Variants in SLC36A1 observed in about 807,000 individuals in gnomAD.
The protein encoded by SLC36A1 is solute carrier family 36 member 1, also known as proton-coupled amino acid transporter 1.
A neutral mutation model predicts 47.5 loss-of-function variants in SLC36A1; 30 were observed. That is an observed-to-expected ratio of 0.63 (90% CI 0.47 to 0.86). The LOEUF (loss-of-function observed/expected upper bound fraction) is 0.86, where lower values mean the gene tolerates loss of function less well. SLC36A1 is among the 40% of genes least tolerant of loss of function. SLC36A1 has a pLI of 0.00. For synonymous variants in SLC36A1, 255 were observed against 249.7 expected (o/e 1.02, Z -0.20); for missense variants, 517 against 606.0 (o/e 0.85, Z 1.54).
the SLC36A1 span, among the ~76,000 whole-genome samples, chr5:151,408,538 A>G: frequency 1.3e-5 from 2 of 152,220 alleles, no homozygotes; most frequent in African/African-American, 2.4e-5. Flanking sequence ...TTATGATGCA[A>G]TTCTCTCATT....
At chr5:151,484,856 A>G (rs1248358616) in intron 10 of SLC36A1, among the ~76,000 whole-genome samples, 1 of 152,030 alleles carries the variant, frequency 6.6e-6, no homozygotes, top group Admixed American at 6.6e-5. Flanking sequence ...CAGAGCCTAC[A>G]CCCATTCCTA....
chr5:151,466,562 A>G (rs1286200411), intron 5 of SLC36A1, among the ~76,000 whole-genome samples: 1 of 152,238 alleles, frequency 6.6e-6, no homozygotes, highest in Non-Finnish European at 1.5e-5. Context: ...GGTTGTTACC[A>G]GCTGCTATTG....
At chr5:151,350,424 A>T in the SLC36A1 span, among the ~76,000 whole-genome samples, 1 of 152,226 alleles carries the variant, frequency 6.6e-6, no homozygotes, top group Non-Finnish European at 1.5e-5. Context: ...GTGCCTCTGA[A>T]GCTGCAGTTG....
chr5:151,464,482 C>G (rs762215607), intron 3 of SLC36A1, 32 bp from the exon 4 acceptor site: 3 of 1,583,290 alleles, frequency 1.9e-6, no homozygotes, highest in Admixed American at 1.7e-5. Context: ...CTACTTTTCT[C>G]TCTCTCTTTT....
At chr5:151,545,899 A>G in the SLC36A1 span, 3 of 1,614,216 alleles carry the variant, frequency 1.9e-6, no homozygotes, top group African/African-American at 2.7e-5. Flanking sequence ...AACCACCACC[A>G]TGACATCAGT....
At chr5:151,541,096 G>A in the SLC36A1 span, among the ~76,000 whole-genome samples, 1 of 152,220 alleles carries the variant, frequency 6.6e-6, no homozygotes, top group Non-Finnish European at 1.5e-5. Context: ...AAATGTCTAA[G>A]ATGCATAGCT....
chr5:151,534,090 A>C, the SLC36A1 span, among the ~76,000 whole-genome samples: 1 of 152,154 alleles, frequency 6.6e-6, no homozygotes, highest in Non-Finnish European at 1.5e-5. Flanking sequence ...TGATTGGTAT[A>C]TTTCTGATTA....
rs1760092956 is a variant in SLC36A1, at chr5:151,491,286, C to T, written c.*3032C>T. On this transcript the variant is annotated 3_prime_UTR_variant, in exon 11 of 11. Coordinates refer to ENST00000243389, the MANE Select transcript of SLC36A1 (RefSeq NM_078483.4). ...GGCATTATTTATGTTGTGCTGCTGT[C>T]CAGCTGCTAAGATCCCTTCATCTGC... 1 of 152,626 alleles carries T rather than the reference C, an allele frequency of 6.6e-6. No individual in the cohort carries two copies. Among genetic ancestry groups the T allele is most frequent in the Non-Finnish European group, 1.5e-5 (1 of 68,072 alleles). The allele number at this position is 152,626 out of a possible 1,614,324, so 9.5% of individuals were successfully genotyped here.
the SLC36A1 span, among the ~76,000 whole-genome samples, chr5:151,541,088 A>G: frequency 9.4e-4 from 143 of 152,372 alleles, no homozygotes; most frequent in African/African-American, 3.3e-3. Flanking sequence ...TTCTATATAA[A>G]TGTCTAAGAT....
the SLC36A1 span, among the ~76,000 whole-genome samples, chr5:151,514,800 A>G: frequency 2.0e-5 from 3 of 152,120 alleles, no homozygotes; most frequent in Non-Finnish European, 2.9e-5. Context: ...AGCTAAAGCC[A>G]ATCTCTCCAT....
chr5:151,527,158 C>A, the SLC36A1 span: 19 of 1,431,192 alleles, frequency 1.3e-5, no homozygotes, highest in Admixed American at 7.9e-5. Flanking sequence ...TGGACTAATG[C>A]CACTGAGGGG....
chr5:151,404,469 C>CT, the SLC36A1 span, among the ~76,000 whole-genome samples: 3 of 152,066 alleles, frequency 2.0e-5, no homozygotes, highest in Admixed American at 6.6e-5. Context: ...GAGCTGGTTA[C>CT]TTTGTAGCCT....
intron 1 of SLC36A1, among the ~76,000 whole-genome samples, chr5:151,439,338 T>C (rs2127439363): frequency 6.6e-6 from 1 of 151,988 alleles, no homozygotes; most frequent in South Asian, 2.1e-4. Context: ...TCCTTTCAAA[T>C]CATCAAAAAA....
the SLC36A1 span, among the ~76,000 whole-genome samples, chr5:151,523,539 A>T: frequency 6.6e-6 from 1 of 152,176 alleles, no homozygotes; most frequent in Admixed American, 6.5e-5. Context: ...TTGCTGGCCT[A>T]TGGTGCCTCC....
chr5:151,529,142 T>G, the SLC36A1 span: 7 of 1,591,408 alleles, frequency 4.4e-6, no homozygotes, highest in South Asian at 7.7e-5. Flanking sequence ...ATCCCAGAGT[T>G]CTTGTCCCAC....
chr5:151,525,552 CT>C, the SLC36A1 span, among the ~76,000 whole-genome samples: 1 of 142,128 alleles, frequency 7.0e-6, no homozygotes, highest in East Asian at 1.9e-4. Context: ...CTTAAATCCC[CT>C]GTGTTCCTCA....
upstream of SLC36A1, among the ~76,000 whole-genome samples, chr5:151,433,268 T>TA (rs1561705258): frequency 1.6e-3 from 21 of 13,090 alleles, no homozygotes; most frequent in Admixed American, 2.7e-3. Context: ...ATATATATAT[T>TA]TTTTTTTTTT....
chr5:151,413,984 G>A, the SLC36A1 span, among the ~76,000 whole-genome samples: 3 of 152,126 alleles, frequency 2.0e-5, no homozygotes, highest in South Asian at 6.2e-4. Context: ...AATTCTTCAA[G>A]CACTAGAATG....
chr5:151,371,290 T>C, the SLC36A1 span, among the ~76,000 whole-genome samples: 165 of 152,356 alleles, frequency 1.1e-3, no homozygotes, highest in Non-Finnish European at 1.3e-3. Flanking sequence ...TCTTATGTAC[T>C]TTAATTTTCT....
Sources: gnomAD v4.1 joint callset for allele counts (sites outside exome capture counted in the v4.1 genomes callset) on GRCh38, gnomAD v4.1.1 for gene constraint, MANE v1.5 for transcripts, NCBI Gene and HGNC (gene_info 2026-07-23, HGNC 2026-07-21) for gene names.